The following ZC4H2 variants were observed in gnomAD, a reference collection of about 807,000 sequenced individuals.
ZC4H2 encodes zinc finger C4H2-type containing.
For synonymous variants in ZC4H2, 84 were observed against 66.3 expected (o/e 1.27, Z -1.30); for missense variants, 137 against 173.9 (o/e 0.79, Z 1.19).
intron 1 of ZC4H2, among the ~76,000 whole-genome samples, chrX:64,939,387 C>T (rs1018373986): frequency 3.6e-5 from 4 of 111,767 alleles, no homozygotes; most frequent in African/African-American, 1.3e-4. Context: ...AGATTCAATG[C>T]TATCCCCATC....
chrX:64,951,321 T>C (rs1930817127), intron 1 of ZC4H2, among the ~76,000 whole-genome samples: 1 of 111,934 alleles, frequency 8.9e-6, no homozygotes, highest in African/African-American at 3.3e-5. Flanking sequence ...TACCCAGTAA[T>C]GGGATGGCTG....
chrX:64,958,481 C>T (rs1269129959), intron 1 of ZC4H2, among the ~76,000 whole-genome samples: 1 of 111,808 alleles, frequency 8.9e-6, no homozygotes, highest in South Asian at 3.7e-4. Context: ...TTTCACACAG[C>T]AATCTCAAGT....
chrX:64,964,975 T>C (rs1295068797), intron 1 of ZC4H2, among the ~76,000 whole-genome samples: 1 of 111,948 alleles, frequency 8.9e-6, no homozygotes, highest in Non-Finnish European at 1.9e-5. Context: ...GCCACTGAAA[T>C]AATAAAACAG....
intron 1 of ZC4H2, among the ~76,000 whole-genome samples, chrX:65,018,229 G>T (rs1205163305): frequency 8.9e-6 from 1 of 112,487 alleles, no homozygotes; most frequent in African/African-American, 3.2e-5. Flanking sequence ...AATGTTCATT[G>T]GTTGCCAGCA....
chrX:64,921,765 C>T, intron 2 of ZC4H2, 52 bp downstream of exon 2: 2 of 1,173,541 alleles, frequency 1.7e-6, no homozygotes, highest in South Asian at 3.9e-5. Context: ...CTATCATTCA[C>T]CACTACCTCT....
rs548036453 is a variant in ZC4H2, at chrX:64,945,472, C to A, written c.54-23484G>T. 4.5e-5 allele frequency among the ~76,000 whole-genome samples: 5 copies of A among 111,366 alleles called. No individual in the cohort carries two copies. The South Asian group carries it at 1.9e-3, about 43-fold the overall frequency. On this transcript the variant is annotated intron_variant, in intron 1 of 4. Coordinates refer to ENST00000374839, the MANE Select transcript of ZC4H2 (RefSeq NM_018684.4). ...CTGGAAACTTCATCCCAGAGGGGCA[C>A]CTGCCAGATGCCACCCTGACCTCTC...
intron 1 of ZC4H2, among the ~76,000 whole-genome samples, chrX:65,009,558 T>A (rs746082297): frequency 8.9e-6 from 1 of 112,169 alleles, no homozygotes; most frequent in African/African-American, 3.2e-5. Flanking sequence ...AGATAGTGTC[T>A]TCATTCAGAG....
At chrX:64,934,328 C>T (rs911934015) in intron 1 of ZC4H2, among the ~76,000 whole-genome samples, 5 of 112,441 alleles carry the variant, frequency 4.4e-5, no homozygotes, top group African/African-American at 1.6e-4. Flanking sequence ...TGTTAAATTA[C>T]AAATTCAATT....
intron 1 of ZC4H2, among the ~76,000 whole-genome samples, chrX:65,028,556 G>T (rs1242090657): frequency 9.2e-6 from 1 of 108,320 alleles, no homozygotes; most frequent in Non-Finnish European, 1.9e-5. Context: ...TTTTGAGACA[G>T]AGTCTTGCTC....
Position 65,001,685 on chromosome X carries a change from A to G in ZC4H2, c.-272+32944T>C, listed in dbSNP as rs1458649389. Among the ~76,000 whole-genome samples, 3 of 112,012 alleles carry G rather than the reference A, an allele frequency of 2.7e-5. No homozygotes were observed. The East Asian group carries it at 8.4e-4, about 31-fold the overall frequency. ...AAAGTTAAGCTTATTGATGTGCGAT[A>G]TTCAGGAGACCCATCTTATGTGCAA... On this transcript the variant is annotated intron_variant, in intron 1 of 4. Transcript: ENST00000337990.
chrX:64,922,702 T>C, intron 1 of ZC4H2, among the ~76,000 whole-genome samples: 1 of 112,350 alleles, frequency 8.9e-6, no homozygotes, highest in Non-Finnish European at 1.9e-5. Flanking sequence ...GTAAGCACTG[T>C]CCAATAAACT....
At chrX:64,987,569 C>G (rs779906945) in intron 1 of ZC4H2, among the ~76,000 whole-genome samples, 35 of 107,146 alleles carry the variant, frequency 3.3e-4, no homozygotes, top group African/African-American at 1.2e-3. Context: ...CTCAAAAGAC[C>G]TCATATCTTA....
At chrX:64,998,707 A>G (rs1020812501) in intron 1 of ZC4H2, among the ~76,000 whole-genome samples, 1 of 111,606 alleles carries the variant, frequency 9.0e-6, no homozygotes. Context: ...GTGGGATATT[A>G]AAGTCTCCAA....
At chrX:65,023,374 C>A (rs1482703518) in intron 1 of ZC4H2, among the ~76,000 whole-genome samples, 1 of 111,599 alleles carries the variant, frequency 9.0e-6, no homozygotes, top group Non-Finnish European at 1.9e-5. Flanking sequence ...ATTGTCCTGG[C>A]CAGAACTTCC....
At chrX:64,951,334 T>A (rs1421880114) in intron 1 of ZC4H2, among the ~76,000 whole-genome samples, 2 of 111,786 alleles carry the variant, frequency 1.8e-5, no homozygotes, top group African/African-American at 6.5e-5. Flanking sequence ...GATGGCTGGG[T>A]CAAATGGTAT....
At chrX:64,988,983 C>T (rs1340579632) in intron 1 of ZC4H2, among the ~76,000 whole-genome samples, 1 of 111,777 alleles carries the variant, frequency 8.9e-6, no homozygotes, top group Non-Finnish European at 1.9e-5. Flanking sequence ...GGAATCCTTT[C>T]CTCGTTTATT....
chrX:64,967,476 C>A lies in ZC4H2; in HGVS notation c.53+8849G>T, dbSNP rs937858751. 7.2e-5 allele frequency among the ~76,000 whole-genome samples: 8 copies of A among 111,744 alleles called. No individual in the cohort carries two copies. The East Asian group carries it at 2.2e-3, about 31-fold the overall frequency. On this transcript the variant is annotated intron_variant, in intron 1 of 4. Coordinates refer to ENST00000374839, the MANE Select transcript of ZC4H2 (RefSeq NM_018684.4). ...GTTCTTGTGGATGAATGATAAGATCCCTTCCTTCAAATAAAATAACTGATT... is the reference window on the plus strand; with the variant it reads ...GTTCTTGTGGATGAATGATAAGATCACTTCCTTCAAATAAAATAACTGATT...
At chrX:65,011,630 A>G (rs1932755754) in intron 1 of ZC4H2, among the ~76,000 whole-genome samples, 1 of 111,569 alleles carries the variant, frequency 9.0e-6, no homozygotes, top group East Asian at 2.8e-4. Context: ...GAAGTGAACG[A>G]GTTCCCTGGT....
At chrX:64,959,016 A>G (rs1931275572) in intron 1 of ZC4H2, among the ~76,000 whole-genome samples, 1 of 111,193 alleles carries the variant, frequency 9.0e-6, no homozygotes, top group East Asian at 2.8e-4. Flanking sequence ...ATATTACCCC[A>G]TCCCTTTTGC....
Sources: allele counts gnomAD v4.1 joint callset (sites outside exome capture counted in the v4.1 genomes callset), GRCh38; gene constraint gnomAD v4.1.1; transcripts MANE v1.5; gene names NCBI Gene and HGNC (gene_info 2026-07-23, HGNC 2026-07-21).